ACER3: variants seen among roughly 807,000 people sequenced by gnomAD.
ACER3 encodes the protein alkCDase 3.
In ACER3, 16 loss-of-function variants were observed where a neutral mutation model predicts 48.9. The ratio of observed to expected loss-of-function variants is 0.33; its 90% CI spans 0.22 to 0.50. The LOEUF is 0.50. ACER3 is among the 20% of genes least tolerant of loss of function. ACER3 has a pLI of 0.98. For missense variants in ACER3, 227 were observed against 326.0 expected, an observed-to-expected ratio of 0.70 and a Z score of 2.34; for synonymous variants, 109 against 107.8, an observed-to-expected ratio of 1.01 and a Z score of -0.07.
intron 2 of ACER3, among the ~76,000 whole-genome samples, chr11:76,930,676 A>G (rs1226401904): frequency 2.6e-5 from 4 of 151,918 alleles, no homozygotes; most frequent in African/African-American, 4.8e-5. Flanking sequence ...CTTTGTTCTC[A>G]TTGGTTTCAA....
intron 1 of ACER3, among the ~76,000 whole-genome samples, chr11:76,870,689 AAG>A (rs1331505288): frequency 6.6e-6 from 1 of 152,142 alleles, no homozygotes; most frequent in African/African-American, 2.4e-5. Flanking sequence ...ACTCCTACAT[AAG>A]TTACAATTGT....
intron 2 of ACER3, among the ~76,000 whole-genome samples, chr11:76,953,945 TTC>T (rs1342525071): frequency 2.3e-4 from 25 of 111,038 alleles, no homozygotes; most frequent in African/African-American, 8.0e-4. Flanking sequence ...GCTTTAAAAG[TTC>T]TTTTTTTTTT....
intron 7 of ACER3, among the ~76,000 whole-genome samples, chr11:77,005,985 A>T (rs1443948440): frequency 1.0e-4 from 4 of 39,276 alleles, no homozygotes; most frequent in Non-Finnish European, 1.5e-4. Flanking sequence ...ATATATATAT[A>T]TATATATTTT....
At chr11:76,934,264 C>G (rs1475479368) in intron 2 of ACER3, among the ~76,000 whole-genome samples, 1 of 152,094 alleles carries the variant, frequency 6.6e-6, no homozygotes, top group Non-Finnish European at 1.5e-5. Context: ...GGCAGAGACA[C>G]TCCTCACTTC....
rs1445225984 is a variant in ACER3 at position 77,024,964 on chromosome 11, C to T, written c.*4637C>T. 1 of 152,194 alleles carries T rather than the reference C, an allele frequency of 6.6e-6. No homozygotes were observed. The highest frequency in any genetic ancestry group is 6.5e-5 in the Admixed American group (1 of 15,290). 9.4% of individuals were successfully genotyped at this position (152,194 alleles called of 1,614,324 possible). On this transcript the variant is annotated 3_prime_UTR_variant, in exon 11 of 11. Coordinates refer to ENST00000532485, the MANE Select transcript of ACER3 (RefSeq NM_018367.7). Reference sequence around the variant, plus strand: ...CCATCAGTCAGTATAGCATCAGCCACAGGTCACTGCTCTGCATACAGTTCC... The same window carrying T: ...CCATCAGTCAGTATAGCATCAGCCATAGGTCACTGCTCTGCATACAGTTCC...
At chr11:77,019,043 T>C (rs1165172629) in intron 9 of ACER3, among the ~76,000 whole-genome samples, 1 of 152,240 alleles carries the variant, frequency 6.6e-6, no homozygotes, top group African/African-American at 2.4e-5. Context: ...GAGAAGTCAA[T>C]GCGTGGCTTC....
intron 2 of ACER3, among the ~76,000 whole-genome samples, chr11:76,938,189 T>C (rs1947246843): frequency 6.6e-6 from 1 of 152,132 alleles, no homozygotes; most frequent in Non-Finnish European, 1.5e-5. Context: ...AATTTTTGTA[T>C]TTTTTTGTAG....
chr11:77,007,433 C>T (rs1452614825), intron 7 of ACER3, among the ~76,000 whole-genome samples: 4 of 152,122 alleles, frequency 2.6e-5, no homozygotes, highest in African/African-American at 9.7e-5. Context: ...GTTGGCAAGC[C>T]AGGGGGAGAA....
chr11:76,958,903 G>A, intron 2 of ACER3, 76 bp from the exon 3 acceptor site: 2 of 1,487,008 alleles, frequency 1.3e-6, no homozygotes, highest in South Asian at 2.3e-5. Context: ...GCTTTGAAAT[G>A]TCTTATTGTC....
chr11:76,991,405 A>G (rs1383253924), intron 6 of ACER3, among the ~76,000 whole-genome samples: 1 of 152,240 alleles, frequency 6.6e-6, no homozygotes, highest in Non-Finnish European at 1.5e-5. Context: ...TTCAAGCTAT[A>G]CAATAATCAT....
intron 1 of ACER3, among the ~76,000 whole-genome samples, chr11:76,925,194 A>G (rs921050347): frequency 2.0e-5 from 3 of 152,140 alleles, no homozygotes; most frequent in African/African-American, 7.2e-5. Flanking sequence ...CGATGCGTCC[A>G]TGTTTTCTGT....
chr11:76,957,409 T>A (rs767389839), intron 2 of ACER3: 2 of 446,952 alleles, frequency 4.5e-6, no homozygotes, highest in Non-Finnish European at 9.0e-6. Flanking sequence ...ATTGAATACA[T>A]ATATACATGA....
chr11:76,984,018 G>A (rs1448275410), intron 4 of ACER3, among the ~76,000 whole-genome samples: 2 of 151,858 alleles, frequency 1.3e-5, no homozygotes, highest in Non-Finnish European at 2.9e-5. Flanking sequence ...TCGAACTCCT[G>A]ACCTTGTGAT....
intron 1 of ACER3, among the ~76,000 whole-genome samples, chr11:76,919,952 A>ACATT (rs1347544893): frequency 6.6e-6 from 1 of 152,200 alleles, no homozygotes; most frequent in Non-Finnish European, 1.5e-5. Flanking sequence ...TCTGAGTTCA[A>ACATT]CATTCATTGC....
At chr11:76,899,895 C>A (rs1276320597) in intron 1 of ACER3, among the ~76,000 whole-genome samples, 1 of 152,074 alleles carries the variant, frequency 6.6e-6, no homozygotes, top group Non-Finnish European at 1.5e-5. Flanking sequence ...TTTTGACTTT[C>A]CAAAAGCCTA....
rs112256825 is a variant in ACER3, at chr11:77,023,088, G to T, written c.*2761G>T. On this transcript the variant is annotated 3_prime_UTR_variant, in exon 11 of 11. Transcript: ENST00000532485. Reference sequence around the variant, plus strand: ...TGCCCACTACCTACTCCCCACCATGGTGTTTCATGAAACATCCCCACCACC... The same window carrying T: ...TGCCCACTACCTACTCCCCACCATGTTGTTTCATGAAACATCCCCACCACC... 9.0e-3 allele frequency: 3,576 copies of T among 398,490 alleles called. 15 individuals are homozygous for T. The highest frequency in any genetic ancestry group is 0.012 in the Non-Finnish European group (2,666 of 226,026). 24.7% of individuals were successfully genotyped at this position (398,490 alleles called of 1,614,324 possible).
chr11:76,930,755 T>A (rs1274303435), intron 2 of ACER3, among the ~76,000 whole-genome samples: 1 of 152,122 alleles, frequency 6.6e-6, no homozygotes, highest in Non-Finnish European at 1.5e-5. Context: ...GTTGTTCAGT[T>A]TCCATGTAGT....
At chr11:77,013,125 A>G (rs1177581941) in intron 7 of ACER3, among the ~76,000 whole-genome samples, 1 of 152,222 alleles carries the variant, frequency 6.6e-6, no homozygotes, top group African/African-American at 2.4e-5. Context: ...AGTGAGTTCT[A>G]TTTCCAAATG....
intron 1 of ACER3, among the ~76,000 whole-genome samples, chr11:76,878,449 C>G (rs534534961): frequency 1.3e-4 from 19 of 151,958 alleles, no homozygotes; most frequent in African/African-American, 4.6e-4. Context: ...AAAGTTAAAT[C>G]TTTATTAATC....
Sources: allele counts gnomAD v4.1 joint callset (sites outside exome capture counted in the v4.1 genomes callset), GRCh38; gene constraint gnomAD v4.1.1; transcripts MANE v1.5; gene names NCBI Gene and HGNC (gene_info 2026-07-23, HGNC 2026-07-21).